The following SNRNP70 variants were observed in gnomAD, a reference collection of about 807,000 sequenced individuals.
SNRNP70 encodes small nuclear ribonucleoprotein U1 subunit 70.
In SNRNP70, 8 loss-of-function variants were observed where a neutral mutation model predicts 50.5. That is an observed-to-expected ratio of 0.16 (90% CI 0.09 to 0.29). SNRNP70 has a LOEUF of 0.29. Ranked by LOEUF, SNRNP70 falls within the 10% of genes least tolerant of loss-of-function variation. The probability of loss-of-function intolerance (pLI) is 1.00; values close to 1 mark genes in which losing one functional copy is unlikely to be tolerated. For missense variants in SNRNP70, 529 were observed against 663.5 expected (o/e 0.80, Z 2.23); for synonymous variants, 320 against 252.9 (o/e 1.27, Z -2.52).
intron 8 of SNRNP70, among the ~76,000 whole-genome samples, chr19:49,106,027 G>C (rs1336517286): frequency 2.0e-5 from 3 of 152,192 alleles, no homozygotes. Flanking sequence ...GAAGATGATG[G>C]TCCCTGGGCA....
intron 4 of SNRNP70, among the ~76,000 whole-genome samples, chr19:49,095,660 C>A (rs561803877): frequency 1.2e-3 from 186 of 151,500 alleles, no homozygotes; most frequent in Admixed American, 3.8e-3. Context: ...GTCTTAGTCT[C>A]CTGAGTAGCT....
chr19:49,100,232 T>A lies in SNRNP70; in HGVS notation c.394-1158T>A, dbSNP rs564589684. 5.3e-5 allele frequency among the ~76,000 whole-genome samples: 8 copies of A among 152,254 alleles called. No individual in the cohort carries two copies. In the East Asian group the frequency reaches 9.7e-4, roughly 18 times the overall value. ...TCAACAGCCCTGCCTTGCCCGTTGT[T>A]CTCCCTGACATGGTCCCCAAGGGGT... On this transcript the variant is annotated intron_variant, in intron 6 of 9. Transcript: ENST00000598441.
At position 49,108,449 on chromosome 19, in the gene SNRNP70, T is replaced by C. The variant is rs555407556; in HGVS notation, c.*6T>C. ...TGGAGGCTGCGCCGGAGTGAAGAGG[T>C]CGTCCTCTCCATCTGCTGTGTTTGG... On this transcript the variant is annotated 3_prime_UTR_variant, in exon 10 of 10. Coordinates refer to ENST00000598441, the MANE Select transcript of SNRNP70 (RefSeq NM_003089.6). 6.3e-7 allele frequency: 1 copy of C among 1,589,864 alleles called. No homozygotes were observed. The highest frequency in any genetic ancestry group is 1.1e-5 in the South Asian group (1 of 87,366).
intron 4 of SNRNP70, among the ~76,000 whole-genome samples, chr19:49,098,126 T>C (rs933343951): frequency 2.6e-5 from 4 of 152,156 alleles, no homozygotes; most frequent in Admixed American, 2.0e-4. Context: ...CCCTTAGGGT[T>C]TATGTAGGTC....
At chr19:49,098,966 CTGTT>C (rs1360029435) in intron 6 of SNRNP70, among the ~76,000 whole-genome samples, 1 of 152,208 alleles carries the variant, frequency 6.6e-6, no homozygotes, top group Non-Finnish European at 1.5e-5. Context: ...CCAGGCAGGT[CTGTT>C]TGTTTACACA....
intron 6 of SNRNP70, 65 bp downstream of exon 6, chr19:49,098,769 GGAGGGAGA>G (rs2040544522): frequency 1.5e-6 from 2 of 1,350,704 alleles, no homozygotes; most frequent in South Asian, 2.3e-5. Context: ...ATCCTGAGAG[GGAGGGAGA>G]GAGGTCCCAG....
chr19:49,094,023 C>A (rs926187913), intron 4 of SNRNP70, among the ~76,000 whole-genome samples: 3 of 151,934 alleles, frequency 2.0e-5, no homozygotes, highest in Admixed American at 1.3e-4. Flanking sequence ...GACTCCTTCT[C>A]AAAAAACAAA....
Position 49,107,745 on chromosome 19 carries a change from G to A in SNRNP70, c.665+33G>A, listed in dbSNP as rs747866542. On this transcript the variant is annotated intron_variant, in intron 9 of 9. Transcript: ENST00000598441. This position sits in a 1 kb window ranked among gnomAD's most constrained non-coding sequence, Gnocchi z 6.0. ...TGGGCGACCGGTGTCCTGGGGTGGG[G>A]GGCGGTCACGGGGGGAGCCCAGCCA... is the stretch of plus-strand genomic sequence containing the variant. The A allele has an allele frequency of 5.6e-6, 9 of 1,612,854 alleles. No individual in the cohort carries two copies. In the South Asian group the frequency reaches 8.8e-5, roughly 16 times the overall value.
chr19:49,098,842 T>C (rs1424798016), intron 6 of SNRNP70, 138 bp downstream of exon 6: 7 of 726,080 alleles, frequency 9.6e-6, no homozygotes, highest in Non-Finnish European at 1.8e-5. Context: ...CCTGACTGTA[T>C]CTCCATGCAG....
At chr19:49,086,069 C>T (rs571183653) in intron 1 of SNRNP70, among the ~76,000 whole-genome samples, 1 of 152,318 alleles carries the variant, frequency 6.6e-6, no homozygotes, top group South Asian at 2.1e-4. Flanking sequence ...CGAGCAGCCA[C>T]AGCTGCTCTG....
In SNRNP70 at chr19:49,104,784, G is replaced by A. The variant is rs2040644001; in HGVS notation, c.577+49G>A. 2 of 1,246,830 alleles carry A rather than the reference G, an allele frequency of 1.6e-6. No individual in the cohort carries two copies. Among genetic ancestry groups the A allele is most frequent in the South Asian group, 2.9e-5 (2 of 69,456 alleles). The allele number at this position is 1,246,830 out of a possible 1,614,324, so 77.2% of individuals were successfully genotyped here. ...GGCTCTCGGGGGCCCTGGGCCTGGT[G>A]GCCTTGTTCTCCCTTCTCTGCTGCT... On this transcript the variant is annotated intron_variant, in intron 8 of 9. Transcript: ENST00000598441. This position sits in a 1 kb window ranked among gnomAD's most constrained non-coding sequence, Gnocchi z 5.4.
intron 4 of SNRNP70, among the ~76,000 whole-genome samples, chr19:49,094,071 T>C (rs1338621236): frequency 6.6e-6 from 1 of 152,062 alleles, no homozygotes; most frequent in African/African-American, 2.4e-5. Flanking sequence ...AAAGTTCCAA[T>C]TGAGGAATTT....
Position 49,090,486 on chromosome 19 carries a change from G to C in SNRNP70, c.231G>C (p.Arg77=). 2 of 1,614,084 alleles carry C rather than the reference G, an allele frequency of 1.2e-6. No individual in the cohort carries two copies. Among genetic ancestry groups the C allele is most frequent in the Non-Finnish European group, 8.5e-7 (1 of 1,180,020 alleles). Residue 77 remains arginine, a synonymous_variant, in exon 4 of 10, where the codon CGG becomes CGC. Transcript: ENST00000598441. ...MERKRREKIE[R]RQQEVETELK... ...GACAGAGACGGGAAAAGATTGAGCG[G>C]CGACAGCAAGAAGTGGAGACAGAGC...
chr19:49,091,654 C>T (rs2040448871), intron 4 of SNRNP70, among the ~76,000 whole-genome samples: 1 of 152,172 alleles, frequency 6.6e-6, no homozygotes, highest in Non-Finnish European at 1.5e-5. Flanking sequence ...CCTCCTATAC[C>T]TGTGAACTTT....
At chr19:49,102,635 T>C (rs557744389) in intron 7 of SNRNP70, 1 of 164,982 alleles carries the variant, frequency 6.1e-6, no homozygotes, top group South Asian at 1.6e-4. Flanking sequence ...CCCCTTTCTG[T>C]CTTCCTTACT....
Position 49,085,615 on chromosome 19 carries a change from A to G in SNRNP70, c.-32A>G. The stretch of plus-strand genomic sequence containing the variant: ...CGCCGCGAGCCTCCGGACAGACGCC[A>G]GAGCGAGGAGGGCGCTACGCGGTGA... On this transcript the variant is annotated 5_prime_UTR_variant, in exon 1 of 10. Transcript: ENST00000598441. 2.2e-6 allele frequency: 1 copy of G among 456,068 alleles called. No homozygotes were observed. The highest frequency in any genetic ancestry group is 1.5e-5 in the South Asian group (1 of 64,542). The allele number at this position is 456,068 out of a possible 1,614,324, so 28.3% of individuals were successfully genotyped here.
chr19:49,091,802 C>A (rs1362726471), intron 4 of SNRNP70, among the ~76,000 whole-genome samples: 1 of 152,210 alleles, frequency 6.6e-6, no homozygotes, highest in Non-Finnish European at 1.5e-5. Context: ...GCCTCAGAGG[C>A]ATCTCAGACT....
chr19:49,088,889 G>A (rs922842176), intron 2 of SNRNP70, among the ~76,000 whole-genome samples: 3 of 152,136 alleles, frequency 2.0e-5, no homozygotes, highest in Admixed American at 6.5e-5. Context: ...GCCCTGTTCT[G>A]TCAGCTTATG....
At chr19:49,089,401 TG>T (rs1568417376) in intron 2 of SNRNP70, among the ~76,000 whole-genome samples, 1 of 151,602 alleles carries the variant, frequency 6.6e-6, no homozygotes, top group Non-Finnish European at 1.5e-5. Context: ...CGCTTGAACC[TG>T]GGAAGCGGAG....
Sources: gnomAD v4.1 joint callset for allele counts (sites outside exome capture counted in the v4.1 genomes callset) on GRCh38, gnomAD v4.1.1 for gene constraint, Gnocchi (gnomAD v3.1) non-coding constraint, MANE v1.5 for transcripts, NCBI Gene and HGNC (gene_info 2026-07-23, HGNC 2026-07-21) for gene names.